MGST1: variants seen among roughly 807,000 people sequenced by gnomAD.
The protein encoded by MGST1 is glutathione S-transferase 12.
A neutral mutation model predicts 8.9 loss-of-function variants in MGST1; 5 were observed. The ratio of observed to expected loss-of-function variants is 0.56; its 90% CI spans 0.29 to 1.19. The LOEUF (loss-of-function observed/expected upper bound fraction) is 1.19. Ranked by LOEUF, MGST1 falls within the 50% of genes most tolerant of loss-of-function variation. The pLI, the probability that MGST1 is intolerant of heterozygous loss-of-function variation, is 0.08. For missense variants in MGST1, 182 were observed against 187.4 expected, an observed-to-expected ratio of 0.97 and a Z score of 0.17; for synonymous variants, 54 against 67.8, an observed-to-expected ratio of 0.80 and a Z score of 1.00.
At chr12:16,557,635 T>C (rs1942241985) in intron 4 of MGST1, among the ~76,000 whole-genome samples, 1 of 152,074 alleles carries the variant, frequency 6.6e-6, no homozygotes, top group Non-Finnish European at 1.5e-5. Flanking sequence ...ATATATGTCT[T>C]GTGGGAAAGT....
chr12:16,485,253 G>A (rs938647429), intron 4 of MGST1, among the ~76,000 whole-genome samples: 5 of 152,136 alleles, frequency 3.3e-5, no homozygotes, highest in Admixed American at 1.3e-4. Context: ...TCGAATGCTC[G>A]TTGTCTCAAG....
rs759901403 is a variant in MGST1 at position 16,363,977 on chromosome 12, T to C, written c.404T>C (p.Phe135Ser). The change falls in exon 4 of 4, where the codon TTT becomes TCT. Residue 135 changes from phenylalanine (F) to serine (S), a missense_variant. Transcript: ENST00000396210. This position sits in a 1 kb window ranked among gnomAD's most constrained non-coding sequence, Gnocchi z 4.6. ...LPQPNRALSF[F>S]VGYGVTLSMA... Reference sequence around the variant, plus strand: ...CAGCCAAATAGAGCTTTGAGTTTTTTTGTTGGATATGGAGTTACTCTTTCC... The same window carrying C: ...CAGCCAAATAGAGCTTTGAGTTTTTCTGTTGGATATGGAGTTACTCTTTCC... 6.2e-6 allele frequency: 10 copies of C among 1,613,968 alleles called. No individual in the cohort carries two copies. The South Asian group carries it at 1.1e-4, about 18-fold the overall frequency.
chr12:16,569,259 C>T (rs965054319), intron 4 of MGST1, among the ~76,000 whole-genome samples: 4 of 152,080 alleles, frequency 2.6e-5, no homozygotes, highest in Admixed American at 2.6e-4. Context: ...AACCTATATC[C>T]CTTATCCAAA....
intron 4 of MGST1, among the ~76,000 whole-genome samples, chr12:16,444,263 T>C (rs1369309905): frequency 4.6e-5 from 7 of 150,940 alleles, no homozygotes; most frequent in African/African-American, 1.7e-4. Flanking sequence ...TATTAAGTTA[T>C]AAAGCTCTTT....
chr12:16,429,082 A>C (rs1325925384), intron 1 of MGST1, among the ~76,000 whole-genome samples: 1 of 152,052 alleles, frequency 6.6e-6, no homozygotes, highest in African/African-American at 2.4e-5. Flanking sequence ...AAACATTGTT[A>C]AATTTTTTGA....
At chr12:16,354,527 G>A in intron 2 of MGST1, 149 bp downstream of exon 2, 1 of 638,346 alleles carries the variant, frequency 1.6e-6, no homozygotes, top group South Asian at 2.8e-5. Flanking sequence ...TGGCACAGAT[G>A]GATCTGATGT....
At chr12:16,422,520 G>A (rs1044677191) in intron 1 of MGST1, among the ~76,000 whole-genome samples, 4 of 152,136 alleles carry the variant, frequency 2.6e-5, no homozygotes, top group African/African-American at 9.7e-5. Context: ...ATAGGAGTGA[G>A]ATGAGGTGCA....
At chr12:16,388,152 G>A (rs1333264402) in intron 1 of MGST1, among the ~76,000 whole-genome samples, 5 of 150,680 alleles carry the variant, frequency 3.3e-5, no homozygotes, top group African/African-American at 9.7e-5. Flanking sequence ...TAAAAGTGAT[G>A]ACAAAAACTG....
At chr12:16,579,057 C>A (rs1046155535) in intron 4 of MGST1, among the ~76,000 whole-genome samples, 2 of 152,090 alleles carry the variant, frequency 1.3e-5, no homozygotes, top group African/African-American at 4.8e-5. Flanking sequence ...CCTTTTCCAA[C>A]CCAAACACTC....
At chr12:16,443,565 T>TA (rs1165766079), downstream of MGST1, among the ~76,000 whole-genome samples, 9 of 151,904 alleles carry the variant, frequency 5.9e-5, no homozygotes, top group African/African-American at 1.9e-4. Flanking sequence ...CAGTATACAT[T>TA]AAATTAGTAT....
intron 4 of MGST1, among the ~76,000 whole-genome samples, chr12:16,481,814 G>A (rs1941366173): frequency 1.3e-5 from 2 of 151,842 alleles, no homozygotes; most frequent in African/African-American, 2.4e-5. Flanking sequence ...ATACAGGGGG[G>A]TATGGGGGGT....
At chr12:16,539,656 A>G (rs1445389044) in intron 4 of MGST1, among the ~76,000 whole-genome samples, 2 of 152,076 alleles carry the variant, frequency 1.3e-5, no homozygotes, top group Admixed American at 1.3e-4. Context: ...CTGCTTTCAT[A>G]AGGCCACCAG....
intron 4 of MGST1, among the ~76,000 whole-genome samples, chr12:16,509,078 G>A (rs141967359): frequency 1.6e-3 from 248 of 152,186 alleles, no homozygotes; most frequent in Middle Eastern, 6.8e-3. Context: ...GCAATTTCTT[G>A]TTGTCTGCTT....
intron 1 of MGST1, among the ~76,000 whole-genome samples, chr12:16,398,478 A>C (rs1424094759): frequency 6.6e-6 from 1 of 152,172 alleles, no homozygotes; most frequent in Non-Finnish European, 1.5e-5. Flanking sequence ...CCAGATCTAC[A>C]TGTTGACTTC....
chr12:16,458,659 C>G lies in MGST1; in HGVS notation n.482+75055C>G, dbSNP rs1333926586. Reference sequence around the variant, plus strand: ...ATTATATATTATAAACATGGAATATCAGTAGGTAGGCAGTTGAGTATTTAT... The same window carrying G: ...ATTATATATTATAAACATGGAATATGAGTAGGTAGGCAGTTGAGTATTTAT... On this transcript the variant is annotated intron_variant and non_coding_transcript_variant, in intron 4 of 4. Coordinates refer to the MGST1 transcript ENST00000538857. The surrounding 1 kb of genome is among the most constrained non-coding windows in gnomAD (Gnocchi z 4.0). Among the ~76,000 whole-genome samples, 1 of 151,986 alleles carries G rather than the reference C, an allele frequency of 6.6e-6. No individual in the cohort carries two copies. Among genetic ancestry groups the G allele is most frequent in the Non-Finnish European group, 1.5e-5 (1 of 67,978 alleles).
intron 4 of MGST1, among the ~76,000 whole-genome samples, chr12:16,461,138 G>A (rs1375681050): frequency 6.8e-6 from 1 of 147,848 alleles, no homozygotes; most frequent in Admixed American, 6.8e-5. Context: ...AGGATAATGG[G>A]TTATTTCAAT....
intron 4 of MGST1, among the ~76,000 whole-genome samples, chr12:16,496,318 A>C (rs983957550): frequency 1.3e-5 from 2 of 152,146 alleles, no homozygotes; most frequent in African/African-American, 4.8e-5. Flanking sequence ...TGTACTCTGC[A>C]GCATTCAGTA....
Position 16,500,473 on chromosome 12 carries a change from T to C in MGST1, n.483-89055T>C, listed in dbSNP as rs542864791. ...TTTTAGATATTTAGATTACATTACA[T>C]TTACAGTTTTATTTCATTTTGTAAA... On this transcript the variant is annotated intron_variant and non_coding_transcript_variant, in intron 4 of 4. Coordinates refer to the MGST1 transcript ENST00000538857. The surrounding 1 kb of genome is among the most constrained non-coding windows in gnomAD (Gnocchi z 4.3). Among the ~76,000 whole-genome samples the C allele has an allele frequency of 2.6e-5, 4 of 152,356 alleles. No homozygotes were observed. Among genetic ancestry groups the C allele is most frequent in the East Asian group, 3.9e-4 (2 of 5,186 alleles).
intron 1 of MGST1, among the ~76,000 whole-genome samples, chr12:16,384,906 C>G (rs1782126737): frequency 6.6e-6 from 1 of 152,200 alleles, no homozygotes; most frequent in African/African-American, 2.4e-5. Flanking sequence ...AGGCCTATCA[C>G]AGGGATCCCT....
Sources: gnomAD v4.1 joint callset for allele counts (sites outside exome capture counted in the v4.1 genomes callset) on GRCh38, gnomAD v4.1.1 for gene constraint, Gnocchi (gnomAD v3.1) non-coding constraint, MANE v1.5 for transcripts, NCBI Gene and HGNC (gene_info 2026-07-23, HGNC 2026-07-21) for gene names.